Variants in FCN1 observed in about 807,000 individuals in gnomAD.
FCN1 encodes ficolin 1.
Under a neutral mutation model 35.6 loss-of-function variants are expected in FCN1, and 42 were observed. The observed-to-expected ratio is 1.18, with a 90% CI of 0.92 to 1.53. The LOEUF (loss-of-function observed/expected upper bound fraction) is 1.53, where lower values mean the gene tolerates loss of function less well. Among genes scored for constraint, FCN1 ranks in the 40% most tolerant of loss-of-function variants. FCN1 has a pLI of 0.00. For synonymous variants in FCN1, 179 were observed against 169.8 expected (o/e 1.05, Z -0.42); for missense variants, 439 against 428.4 (o/e 1.02, Z -0.22).
chr9:134,909,893 G>C lies in FCN1; in HGVS notation c.886C>G (p.Pro296Ala). 6.2e-7 allele frequency: 1 copy of C among 1,614,006 alleles called. No individual in the cohort carries two copies. Among genetic ancestry groups the C allele is most frequent in the Non-Finnish European group, 8.5e-7 (1 of 1,179,898 alleles). ...SNLNGLYLMG[P>A]HESYANGINW... The stretch of plus-strand genomic sequence containing the variant: ...ATACCATTGGCATAGCTCTCATGGG[G>C]TCCCATGAGGTAGAGACCATTGAGG... Residue 296 changes from proline (P) to alanine (A), a missense_variant, in exon 9 of 9, where the codon CCC (proline) becomes GCC (alanine). Transcript: ENST00000371806.
At chr9:134,915,260 C>T (rs552172559) in intron 2 of FCN1, among the ~76,000 whole-genome samples, 8 of 152,172 alleles carry the variant, frequency 5.3e-5, no homozygotes, top group South Asian at 4.1e-4. Context: ...CCGGTTCCAC[C>T]GTGCGCCTGA....
rs889527604 is a variant in FCN1, at chr9:134,913,223, G to T, written c.341-80C>A. ...GGCAGTGGGAGGGAGGCCCAGGAGG[G>T]AGGAGGAGGGCCACAGGCTTCTGTG... On this transcript the variant is annotated intron_variant, in intron 5 of 8. Coordinates refer to ENST00000371806, the MANE Select transcript of FCN1 (RefSeq NM_002003.5). 36 of 1,562,492 alleles carry T rather than the reference G, an allele frequency of 2.3e-5. No homozygotes were observed. In the African/African-American group the frequency reaches 3.9e-4, roughly 17 times the overall value.
rs1206593565 is a variant in FCN1 at position 134,905,864 on chromosome 9, CTCTTCTTCTTCTTCT to C, written c.*3919_*3933del. On this transcript the variant is annotated 3_prime_UTR_variant, in exon 9 of 9. Coordinates refer to ENST00000371806, the MANE Select transcript of FCN1 (RefSeq NM_002003.5). ...CCTCTTCCTCTTCCTCTTCCTCTTC[CTCTTCTTCTTCTTCT>C]TCTTCTTCTTCTTCTTCTTCTTCTT... 3.2e-3 allele frequency: 147 copies of C among 45,868 alleles called. 18 individuals carry two copies. The highest frequency in any genetic ancestry group is 0.012 in the African/African-American group (55 of 4,494). The allele number at this position is 45,868 out of a possible 1,614,324, so 2.8% of individuals were successfully genotyped here. A position where few individuals can be genotyped will look rare whatever the true frequency, so the allele number is the denominator to read the frequency against.
At position 134,905,852 on chromosome 9, in the gene FCN1, CTCTTCCTCTTCCTCT is replaced by C. The variant is rs1273018891; in HGVS notation, c.*3931_*3945del. ...CCTCTTCCTCTTCCTCTTCCTCTTCCTCTTCCTCTTCCTCTTCTTCTTCTTCTTCTTCTTCTTCTT... is the reference window on the plus strand; with the variant it reads ...CCTCTTCCTCTTCCTCTTCCTCTTCCTCTTCTTCTTCTTCTTCTTCTTCTT... On this transcript the variant is annotated 3_prime_UTR_variant, in exon 9 of 9. Coordinates refer to ENST00000371806, the MANE Select transcript of FCN1 (RefSeq NM_002003.5). 1.4e-4 allele frequency: 4 copies of C among 28,638 alleles called. No individual in the cohort carries two copies. The highest frequency in any genetic ancestry group is 8.7e-4 in the African/African-American group (2 of 2,304). The allele number at this position is 28,638 out of a possible 1,614,324, so 1.8% of individuals were successfully genotyped here.
intron 2 of FCN1, among the ~76,000 whole-genome samples, chr9:134,916,147 G>T (rs1831088536): frequency 6.6e-6 from 1 of 152,184 alleles, no homozygotes; most frequent in Admixed American, 6.5e-5. Context: ...TCATGAAATA[G>T]TTAGGAAAGA....
chr9:134,915,441 T>G (rs1831080851), intron 2 of FCN1, among the ~76,000 whole-genome samples: 1 of 152,170 alleles, frequency 6.6e-6, no homozygotes, highest in Non-Finnish European at 1.5e-5. Context: ...CCATGCCCAC[T>G]GGTAGAAGCC....
Position 134,903,398 on chromosome 9 carries a change from A to C in FCN1, c.*6400T>G, listed in dbSNP as rs1402335869. Among the ~76,000 whole-genome samples the C allele has an allele frequency of 6.6e-6, 1 of 152,168 alleles. No individual in the cohort carries two copies. Among genetic ancestry groups the C allele is most frequent in the Non-Finnish European group, 1.5e-5 (1 of 67,996 alleles). On this transcript the variant is annotated 3_prime_UTR_variant, in exon 9 of 9. Transcript: ENST00000371806. The stretch of plus-strand genomic sequence containing the variant: ...CATTGGCAAATTTAAAATAATTGAA[A>C]TCATATTAAGTTTGTTCTCTGACCC...
rs1049969227 is a variant in FCN1 at position 134,912,761 on chromosome 9, A to G, written c.469-146T>C. The G allele has an allele frequency of 4.1e-6, 5 of 1,214,034 alleles. No individual in the cohort carries two copies. In the African/African-American group the frequency reaches 4.5e-5, roughly 11 times the overall value. 75.2% of individuals were successfully genotyped at this position (1,214,034 alleles called of 1,614,324 possible). On this transcript the variant is annotated intron_variant, in intron 6 of 8. Coordinates refer to ENST00000371806, the MANE Select transcript of FCN1 (RefSeq NM_002003.5). ...GCACGCCCATCTGGTCTCCTCACAG[A>G]CTCCACAGGATGAAAGAGGAAATGC...
chr9:134,916,018 A>G lies in FCN1; in HGVS notation c.217+330T>C, dbSNP rs75104444. Among the ~76,000 whole-genome samples, 507 of 152,296 alleles carry G rather than the reference A, an allele frequency of 3.3e-3. 2 individuals are homozygous for G. The highest frequency in any genetic ancestry group is 0.012 in the African/African-American group (491 of 41,548). On this transcript the variant is annotated intron_variant, in intron 2 of 8. Transcript: ENST00000371806. ...GGTGCAGAAGAAAGCGGTCACCTCAATTTTCAGGTGAGAAGGTGGAGGGAC... is the reference window on the plus strand; with the variant it reads ...GGTGCAGAAGAAAGCGGTCACCTCAGTTTTCAGGTGAGAAGGTGGAGGGAC...
chr9:134,913,492 G>A (rs932309073), intron 5 of FCN1, 89 bp downstream of exon 5: 4 of 1,052,912 alleles, frequency 3.8e-6, no homozygotes, highest in Non-Finnish European at 5.6e-6. Flanking sequence ...ACAGGGTTCT[G>A]TCCTTAGATT....
chr9:134,912,912 C>G, intron 6 of FCN1, 104 bp downstream of exon 6: 2 of 1,510,904 alleles, frequency 1.3e-6, no homozygotes, highest in Non-Finnish European at 1.8e-6. Flanking sequence ...ATGATTGTCC[C>G]CATCCAGGGG....
Position 134,917,775 on chromosome 9 carries a change from A to G in FCN1, c.97T>C (p.Cys33Arg). 6.2e-7 allele frequency: 1 copy of G among 1,612,142 alleles called. No homozygotes were observed. The highest frequency in any genetic ancestry group is 1.1e-5 in the South Asian group (1 of 91,026). ...AAACCCAGGTCTGTCTCACCTGGACATGTGTCCGCAGCCTGGGCAGGCAGG... is the reference window on the plus strand; with the variant it reads ...AAACCCAGGTCTGTCTCACCTGGACGTGTGTCCGCAGCCTGGGCAGGCAGG... ...KNLPAQAADTCPEVKVVGLEG... is the reference protein window; with the variant it reads ...KNLPAQAADTRPEVKVVGLEG... Residue 33 changes from cysteine (C) to arginine (R), a missense_variant, in exon 1 of 9, where the codon TGT becomes CGT. Physicochemically the swap from Cys to Arg is radical, Grantham distance 180. Coordinates refer to ENST00000371806, the MANE Select transcript of FCN1 (RefSeq NM_002003.5).
chr9:134,914,580 C>G (rs56163380), intron 3 of FCN1, among the ~76,000 whole-genome samples, 160 bp from the exon 4 acceptor site: 1 of 152,040 alleles, frequency 6.6e-6, no homozygotes, highest in Non-Finnish European at 1.5e-5. Flanking sequence ...GGAGGGGCCC[C>G]GAGGCCTGGA....
In FCN1 at chr9:134,904,189, A is replaced by C. The variant is rs1342754915; in HGVS notation, c.*5609T>G. Among the ~76,000 whole-genome samples the C allele has an allele frequency of 6.6e-6, 1 of 152,230 alleles. No homozygotes were observed. Among genetic ancestry groups the C allele is most frequent in the Non-Finnish European group, 1.5e-5 (1 of 68,040 alleles). ...CCCCAAGCAAGACAAATTCAGAGAA[A>C]GTCTCATCCAGGCACCTTGTAGTAA... On this transcript the variant is annotated 3_prime_UTR_variant, in exon 9 of 9. Coordinates refer to ENST00000371806, the MANE Select transcript of FCN1 (RefSeq NM_002003.5).
At chr9:134,911,942 C>T (rs193106939) in intron 7 of FCN1, among the ~76,000 whole-genome samples, 1 of 152,330 alleles carries the variant, frequency 6.6e-6, no homozygotes, top group East Asian at 1.9e-4. Flanking sequence ...ATTTGAGGCA[C>T]CTGAGTGGAT....
Position 134,904,313 on chromosome 9 carries a change from C to T in FCN1, c.*5485G>A, listed in dbSNP as rs1426415112. On this transcript the variant is annotated 3_prime_UTR_variant, in exon 9 of 9. Coordinates refer to ENST00000371806, the MANE Select transcript of FCN1 (RefSeq NM_002003.5). ...ACAAGACTTTCAGCTAGCTTTTCAGCTGAAATAACTGAATCTGAAAATACT... is the reference window on the plus strand; with the variant it reads ...ACAAGACTTTCAGCTAGCTTTTCAGTTGAAATAACTGAATCTGAAAATACT... 6.6e-6 allele frequency among the ~76,000 whole-genome samples: 1 copy of T among 152,144 alleles called. No homozygotes were observed. Among genetic ancestry groups the T allele is most frequent in the Non-Finnish European group, 1.5e-5 (1 of 68,024 alleles).
In FCN1 at chr9:134,911,182, C is replaced by T. The variant is rs373070792; in HGVS notation, c.684G>A (p.Glu228=). The change falls in exon 8 of 9, where the codon GAG becomes GAA. Residue 228 remains glutamate, a synonymous_variant. Transcript: ENST00000371806. ...AKYKSFKVAD[E]AEKYKLVLGA... ...CCAGTACCAGCTTGTACTTCTCTGC[C>T]TCGTCAGCCACCTTGAATGATTTGT... 3 of 1,614,054 alleles carry T rather than the reference C, an allele frequency of 1.9e-6. No individual in the cohort carries two copies. The African/African-American group carries it at 4.0e-5, about 22-fold the overall frequency.
In FCN1 at chr9:134,913,015, C is replaced by T. The variant is rs757146545; in HGVS notation, c.468+1G>A. 1.3e-4 allele frequency: 207 copies of T among 1,610,314 alleles called. No individual in the cohort carries two copies. Among genetic ancestry groups the T allele is most frequent in the Middle Eastern group, 1.2e-3 (7 of 5,994 alleles). ...CCGCCTCTGCCCAGCCCCACACTCA[C>T]GGTCCAGCCCCCTCCGTCCGTGTCC... On this transcript the variant is annotated splice_donor_variant, in intron 6 of 8. Coordinates refer to ENST00000371806, the MANE Select transcript of FCN1 (RefSeq NM_002003.5). LOFTEE classifies it high-confidence loss of function.
chr9:134,911,985 G>C (rs1054957810), intron 7 of FCN1, among the ~76,000 whole-genome samples: 1 of 152,214 alleles, frequency 6.6e-6, no homozygotes, highest in Non-Finnish European at 1.5e-5. Context: ...AGTGGGCAGG[G>C]ATAATGGACC....
Sources: gnomAD v4.1 joint callset for allele counts (sites outside exome capture counted in the v4.1 genomes callset) on GRCh38, gnomAD v4.1.1 for gene constraint, MANE v1.5 for transcripts, NCBI Gene and HGNC (gene_info 2026-07-23, HGNC 2026-07-21) for gene names.